The following SEMA6D variants were observed in gnomAD, a reference collection of about 807,000 sequenced individuals.
SEMA6D encodes the protein semaphorin 6D, also known as semaphorin-6D.
Under a neutral mutation model 106.6 loss-of-function variants are expected in SEMA6D, and 35 were observed. That is an observed-to-expected ratio of 0.33 (90% confidence interval 0.25 to 0.44). SEMA6D has a LOEUF of 0.44. Ranked by LOEUF, SEMA6D falls within the 20% of genes least tolerant of loss-of-function variation. The pLI is 1.00. For synonymous variants in SEMA6D, 499 were observed against 487.7 expected (o/e 1.02, Z -0.31); for missense variants, 1,185 against 1,345.9 (o/e 0.88, Z 1.87).
chr15:47,728,043 C>A (rs1052659924), intron 1 of SEMA6D, among the ~76,000 whole-genome samples: 1 of 152,208 alleles, frequency 6.6e-6, no homozygotes, highest in Non-Finnish European at 1.5e-5. Context: ...TTGGCTTTAT[C>A]ATTTTTGTTT....
intron 4 of SEMA6D, among the ~76,000 whole-genome samples, chr15:47,669,043 G>T (rs1227283895): frequency 1.3e-5 from 2 of 151,998 alleles, no homozygotes; most frequent in Non-Finnish European, 2.9e-5. Flanking sequence ...GCTATGTTTG[G>T]CTTTATCTCT....
chr15:47,226,936 G>C (rs2031715359), intron 1 of SEMA6D, among the ~76,000 whole-genome samples: 1 of 151,934 alleles, frequency 6.6e-6, no homozygotes, highest in Non-Finnish European at 1.5e-5. Context: ...GCTCGATCAT[G>C]TTATTCATTC....
At chr15:47,762,357 A>C (rs531738339) in intron 8 of SEMA6D, 38 bp downstream of exon 8, 3 of 1,607,754 alleles carry the variant, frequency 1.9e-6, no homozygotes, top group Admixed American at 3.3e-5. Flanking sequence ...TCACCAGGAT[A>C]GTGGATGGCC....
At chr15:47,258,836 T>C (rs1484581675) in intron 1 of SEMA6D, among the ~76,000 whole-genome samples, 1 of 152,186 alleles carries the variant, frequency 6.6e-6, no homozygotes, top group Non-Finnish European at 1.5e-5. Flanking sequence ...CTGACTAATA[T>C]ATATTTTTAT....
At chr15:47,199,137 C>G (rs1458246002) in intron 1 of SEMA6D, among the ~76,000 whole-genome samples, 1 of 152,090 alleles carries the variant, frequency 6.6e-6, no homozygotes, top group African/African-American at 2.4e-5. Context: ...CTGTTTTTAT[C>G]TCATTATTTC....
intron 1 of SEMA6D, among the ~76,000 whole-genome samples, chr15:47,361,623 C>G (rs940522558): frequency 6.6e-6 from 1 of 152,158 alleles, no homozygotes; most frequent in Non-Finnish European, 1.5e-5. Context: ...CTGTTGCAGT[C>G]CCAATGTGCT....
chr15:47,423,622 T>TC (rs903167051), intron 2 of SEMA6D, among the ~76,000 whole-genome samples: 6 of 152,112 alleles, frequency 3.9e-5, no homozygotes, highest in African/African-American at 1.4e-4. Context: ...ATTTTTTTTT[T>TC]CCTCAAGTGA....
intron 4 of SEMA6D, among the ~76,000 whole-genome samples, chr15:47,686,720 TTGAA>T (rs1008761045): frequency 1.1e-4 from 17 of 152,174 alleles, no homozygotes; most frequent in African/African-American, 3.9e-4. Flanking sequence ...GTCAAATTCC[TTGAA>T]TGAACACGCA....
At chr15:47,744,562 G>C (rs2081011945) in intron 1 of SEMA6D, among the ~76,000 whole-genome samples, 1 of 152,118 alleles carries the variant, frequency 6.6e-6, no homozygotes, top group African/African-American at 2.4e-5. Flanking sequence ...AGGACACATG[G>C]TTGTGGGGGG....
At chr15:47,329,878 T>C (rs2037275590) in intron 1 of SEMA6D, among the ~76,000 whole-genome samples, 2 of 152,210 alleles carry the variant, frequency 1.3e-5, no homozygotes, top group East Asian at 3.8e-4. Context: ...AGTCATCATC[T>C]CCTCAACTGG....
chr15:47,583,896 A>T (rs1383848165), intron 3 of SEMA6D, among the ~76,000 whole-genome samples: 1 of 152,188 alleles, frequency 6.6e-6, no homozygotes, highest in East Asian at 1.9e-4. Context: ...CTTTGTCTGC[A>T]TCCTGATCTA....
intron 1 of SEMA6D, among the ~76,000 whole-genome samples, chr15:47,331,945 T>A (rs991361506): frequency 6.6e-6 from 1 of 152,158 alleles, no homozygotes; most frequent in African/African-American, 2.4e-5. Flanking sequence ...ATTTACATGG[T>A]CTTGGAATGA....
At chr15:47,648,672 A>G (rs1341058266) in intron 4 of SEMA6D, among the ~76,000 whole-genome samples, 1 of 152,188 alleles carries the variant, frequency 6.6e-6, no homozygotes, top group African/African-American at 2.4e-5. Flanking sequence ...GCCGGCACTC[A>G]CTGATTTACC....
At chr15:47,527,215 G>A (rs1317331288) in intron 3 of SEMA6D, among the ~76,000 whole-genome samples, 2 of 152,070 alleles carry the variant, frequency 1.3e-5, no homozygotes, top group East Asian at 3.8e-4. Context: ...AAAAGAGAAA[G>A]AAGCAGCTCT....
At chr15:47,290,506 A>G (rs1474113502) in intron 1 of SEMA6D, among the ~76,000 whole-genome samples, 1 of 152,164 alleles carries the variant, frequency 6.6e-6, no homozygotes, top group Non-Finnish European at 1.5e-5. Context: ...AATAATAATC[A>G]TTGAATCATT....
In SEMA6D at chr15:47,761,021, G is replaced by C; in HGVS notation, c.265G>C (p.Glu89Gln). Reference protein sequence around the residue: ...TVNLNEMPKTEVIPNKKLTWR... With the variant: ...TVNLNEMPKTQVIPNKKLTWR... ...AAACTTAAATGAAATGCCCAAAACA[G>C]AAGTAATACCCAACAAGGTGAGCAA... The change falls in exon 4 of 19, where the codon GAA becomes CAA. Residue 89 changes from glutamate to glutamine, a missense_variant. Glu to Gln is a conservative substitution (Grantham distance 29). This residue lies in a region of SEMA6D where 144 missense variants were observed against 138.6 expected (regional missense o/e 1.04). Transcript: ENST00000536845. The C allele has an allele frequency of 1.2e-6, 2 of 1,613,542 alleles. No homozygotes were observed. The highest frequency in any genetic ancestry group is 3.3e-5 in the Admixed American group (2 of 59,986).
chr15:47,652,900 A>G (rs970244115), intron 4 of SEMA6D, among the ~76,000 whole-genome samples: 2 of 152,210 alleles, frequency 1.3e-5, no homozygotes, highest in African/African-American at 4.8e-5. Context: ...TCCAGCTGCA[A>G]TAAAGCTAGG....
intron 3 of SEMA6D, among the ~76,000 whole-genome samples, chr15:47,536,508 A>G (rs1454582226): frequency 6.6e-6 from 1 of 152,156 alleles, no homozygotes; most frequent in African/African-American, 2.4e-5. Flanking sequence ...TGGCTTCTAG[A>G]CTCAGACCGA....
intron 4 of SEMA6D, among the ~76,000 whole-genome samples, chr15:47,654,016 T>C (rs2077743968): frequency 6.6e-6 from 1 of 152,242 alleles, no homozygotes; most frequent in African/African-American, 2.4e-5. Context: ...GGATTTATAG[T>C]GATATAAAAT....
Sources: allele counts gnomAD v4.1 joint callset (sites outside exome capture counted in the v4.1 genomes callset), GRCh38; gene constraint gnomAD v4.1.1; regional missense constraint gnomAD v4.1.1; transcripts MANE v1.5; gene names NCBI Gene and HGNC (gene_info 2026-07-23, HGNC 2026-07-21).